Variants in SMIM36 observed in about 807,000 individuals in gnomAD.
The protein encoded by SMIM36 is small integral membrane protein 36.
intron 4 of SMIM36, among the ~76,000 whole-genome samples, chr17:55,462,700 A>G (rs1909166570): frequency 6.6e-6 from 1 of 152,230 alleles, no homozygotes; most frequent in South Asian, 2.1e-4. Flanking sequence ...AACTAAAGCC[A>G]TACTTTAGTT....
At chr17:55,501,321 T>A (rs111219153) in intron 1 of SMIM36, among the ~76,000 whole-genome samples, 3 of 70,142 alleles carry the variant, frequency 4.3e-5, no homozygotes, top group African/African-American at 1.1e-4. Context: ...TATATTATAT[T>A]TTATAATATA....
intron 4 of SMIM36, among the ~76,000 whole-genome samples, chr17:55,454,422 C>T (rs533517455): frequency 1.3e-5 from 2 of 152,212 alleles, no homozygotes; most frequent in South Asian, 4.1e-4. Flanking sequence ...CAGGGATTAC[C>T]GTTAAAAAAC....
At chr17:55,496,712 C>T (rs2065660145) in intron 1 of SMIM36, among the ~76,000 whole-genome samples, 1 of 152,170 alleles carries the variant, frequency 6.6e-6, no homozygotes, top group Non-Finnish European at 1.5e-5. Flanking sequence ...TGTTATTTTG[C>T]ATTCCCCAAA....
intron 1 of SMIM36, among the ~76,000 whole-genome samples, chr17:55,480,546 G>C (rs1002348646): frequency 1.8e-4 from 27 of 152,142 alleles, no homozygotes; most frequent in African/African-American, 6.3e-4. Context: ...TGATTTTTTG[G>C]GGGGATGCAT....
chr17:55,521,938 A>G, the SMIM36 span, among the ~76,000 whole-genome samples: 18,962 of 150,010 alleles, frequency 0.13, 1,949 homozygotes, highest in African/African-American at 0.28. Flanking sequence ...TTTCTCCACC[A>G]CCCCTCACTT....
intron 1 of SMIM36, among the ~76,000 whole-genome samples, chr17:55,488,922 CATCATCATT>C: frequency 1.9e-5 from 2 of 104,998 alleles, no homozygotes; most frequent in South Asian, 3.1e-4. Context: ...TCATCATCAT[CATCATCATT>C]GCTAATATTT....
chr17:55,472,400 A>C (rs946740841), intron 3 of SMIM36, among the ~76,000 whole-genome samples: 4 of 152,198 alleles, frequency 2.6e-5, no homozygotes, highest in African/African-American at 7.2e-5. Flanking sequence ...TATGCTTTCC[A>C]CATCCTCCAT....
intron 1 of SMIM36, among the ~76,000 whole-genome samples, chr17:55,491,350 G>C (rs183771936): frequency 1.3e-5 from 2 of 151,722 alleles, no homozygotes; most frequent in African/African-American, 4.8e-5. Context: ...TCACTTTGAG[G>C]AGTTAATATC....
At chr17:55,474,487 C>T (rs1267784862) in intron 3 of SMIM36, among the ~76,000 whole-genome samples, 2 of 152,222 alleles carry the variant, frequency 1.3e-5, no homozygotes, top group East Asian at 1.9e-4. Flanking sequence ...GGAGTCCGGA[C>T]ATCTGTAACT....
In SMIM36 at chr17:55,474,561, C is replaced by T. The variant is rs181318977; in HGVS notation, c.*347+4201G>A. Among the ~76,000 whole-genome samples the T allele has an allele frequency of 4.7e-3, 722 of 152,304 alleles. 5 individuals are homozygous for T. Among genetic ancestry groups the T allele is most frequent in the South Asian group, 0.011 (54 of 4,828 alleles). On this transcript the variant is annotated intron_variant, in intron 3 of 4. Transcript: ENST00000636752. Reference sequence around the variant, plus strand: ...AGTGGAAGCGTGGCCTGATCACCCACGGCATGCCCGTATCGGCACTTTGGT... The same window carrying T: ...AGTGGAAGCGTGGCCTGATCACCCATGGCATGCCCGTATCGGCACTTTGGT...
At chr17:55,459,353 T>A (rs1266241585) in intron 4 of SMIM36, among the ~76,000 whole-genome samples, 1 of 152,134 alleles carries the variant, frequency 6.6e-6, no homozygotes, top group African/African-American at 2.4e-5. Context: ...AGGTCCTAGA[T>A]TTTTTTTGTT....
intron 1 of SMIM36, among the ~76,000 whole-genome samples, chr17:55,480,030 T>C (rs1909493340): frequency 2.6e-5 from 4 of 152,124 alleles, no homozygotes; most frequent in Admixed American, 2.6e-4. Context: ...ACTCCCTCTG[T>C]GTAGCAGGGA....
At chr17:55,480,803 T>C (rs1909507304) in intron 1 of SMIM36, among the ~76,000 whole-genome samples, 1 of 152,190 alleles carries the variant, frequency 6.6e-6, no homozygotes, top group South Asian at 2.1e-4. Context: ...TTGCATTGCC[T>C]CATGATCATC....
At chr17:55,516,554 CTTTTTTT>C in the SMIM36 span, among the ~76,000 whole-genome samples, 7 of 98,524 alleles carry the variant, frequency 7.1e-5, 1 homozygote, top group South Asian at 7.1e-4. Flanking sequence ...AACAGTCTTC[CTTTTTTT>C]TTTTTTTTTT....
At chr17:55,481,697 T>A (rs372892564) in intron 1 of SMIM36, among the ~76,000 whole-genome samples, 16 of 152,072 alleles carry the variant, frequency 1.1e-4, no homozygotes, top group African/African-American at 3.6e-4. Context: ...GCATCATAAT[T>A]ATTATTATTA....
At chr17:55,501,449 AATAT>A (rs1336595286) in intron 1 of SMIM36, among the ~76,000 whole-genome samples, 2 of 86,250 alleles carry the variant, frequency 2.3e-5, no homozygotes, top group East Asian at 9.1e-4. Flanking sequence ...TATAAAATAT[AATAT>A]ATTATTATAT....
intron 1 of SMIM36, among the ~76,000 whole-genome samples, chr17:55,497,421 C>T (rs1255957070): frequency 3.3e-5 from 5 of 152,112 alleles, no homozygotes; most frequent in Admixed American, 6.6e-5. Context: ...AGCGCCACCA[C>T]GCCCGGCTAA....
upstream of SMIM36, among the ~76,000 whole-genome samples, chr17:55,515,084 G>GTTTTTTTTTT (rs1567874075): frequency 5.3e-5 from 3 of 56,102 alleles, 1 homozygote; most frequent in African/African-American, 6.6e-5. Flanking sequence ...TTCTAGTCTA[G>GTTTTTTTTTT]TGTTTTTTTT....
At chr17:55,513,158 A>G (rs191725235), upstream of SMIM36, among the ~76,000 whole-genome samples, 35 of 152,332 alleles carry the variant, frequency 2.3e-4, no homozygotes, top group African/African-American at 7.0e-4. Flanking sequence ...CTACTGAGTT[A>G]GAATCTTTGG....
Sources: allele counts gnomAD v4.1 joint callset (sites outside exome capture counted in the v4.1 genomes callset), GRCh38; gene constraint gnomAD v4.1.1; transcripts MANE v1.5; gene names NCBI Gene and HGNC (gene_info 2026-07-23, HGNC 2026-07-21).